Variants in PDE9A observed in about 807,000 individuals in gnomAD.
PDE9A encodes the protein high affinity cGMP-specific 3',5'-cyclic phosphodiesterase 9A.
PDE9A carries 60 observed loss-of-function variants against 87.4 expected under a neutral mutation model. The observed-to-expected ratio is 0.69, with a 90% CI of 0.56 to 0.85. The LOEUF (loss-of-function observed/expected upper bound fraction) is 0.85, where lower values mean the gene tolerates loss of function less well. Among genes scored for constraint, PDE9A ranks in the 40% least tolerant of loss-of-function variants. The pLI, the probability that PDE9A is intolerant of heterozygous loss-of-function variation, is 0.00. For missense variants in PDE9A, 665 were observed against 779.0 expected (o/e 0.85, Z 1.74); for synonymous variants, 272 against 279.4 (o/e 0.97, Z 0.27).
At chr21:42,728,267 G>C (rs935946147) in intron 4 of PDE9A, among the ~76,000 whole-genome samples, 24 of 152,174 alleles carry the variant, frequency 1.6e-4, no homozygotes, top group African/African-American at 5.8e-4. Context: ...TGGCATCCTT[G>C]TGGGGAGTCC....
At position 42,739,486 on chromosome 21, in the gene PDE9A, A is replaced by C. The variant is rs1302215560; in HGVS notation, c.569-4290A>C. On this transcript the variant is annotated intron_variant, in intron 7 of 19. Transcript: ENST00000291539. The surrounding 1 kb of genome is among the most constrained non-coding windows in gnomAD (Gnocchi z 4.1). Reference sequence around the variant, plus strand: ...CATGCTCACCTCTGCCTCCTCCTGCAGACCTCCCCGCCAGCCCCGTCATTT... The same window carrying C: ...CATGCTCACCTCTGCCTCCTCCTGCCGACCTCCCCGCCAGCCCCGTCATTT... Among the ~76,000 whole-genome samples, 1 of 152,220 alleles carries C rather than the reference A, an allele frequency of 6.6e-6. No homozygotes were observed. The highest frequency in any genetic ancestry group is 1.5e-5 in the Non-Finnish European group (1 of 68,028).
chr21:42,688,197 C>T (rs1457994511), intron 3 of PDE9A, among the ~76,000 whole-genome samples: 2 of 152,174 alleles, frequency 1.3e-5, no homozygotes, highest in African/African-American at 4.8e-5. Flanking sequence ...TCCAAGATAA[C>T]AATTGCAGCC....
chr21:42,686,467 G>T (rs2059480983), intron 2 of PDE9A, among the ~76,000 whole-genome samples: 1 of 152,258 alleles, frequency 6.6e-6, no homozygotes, highest in Non-Finnish European at 1.5e-5. Flanking sequence ...TGATGGCTGT[G>T]TCCACAAGGA....
At chr21:42,758,353 A>G (rs2055296902) in intron 10 of PDE9A, 1 of 152,280 alleles carries the variant, frequency 6.6e-6, no homozygotes, top group South Asian at 2.1e-4. Context: ...ACAGGGCTCC[A>G]TGAAAAAGGG....
chr21:42,748,504 C>T (rs1382371951), intron 8 of PDE9A, among the ~76,000 whole-genome samples: 1 of 152,190 alleles, frequency 6.6e-6, no homozygotes, highest in East Asian at 1.9e-4. Context: ...ACACCGAAGC[C>T]TCTTTTTCCA....
chr21:42,682,719 C>T (rs942666377), intron 1 of PDE9A, among the ~76,000 whole-genome samples: 1 of 152,350 alleles, frequency 6.6e-6, no homozygotes, highest in South Asian at 2.1e-4. Flanking sequence ...CCTGAGAGCC[C>T]CTACCCTCCC....
At chr21:42,764,926 G>A (rs1569271200) in intron 14 of PDE9A, among the ~76,000 whole-genome samples, 3 of 152,078 alleles carry the variant, frequency 2.0e-5, no homozygotes, top group Non-Finnish European at 4.4e-5. Context: ...TCTTGGAAGA[G>A]GAAAACATCA....
At chr21:42,680,922 A>G (rs1419272772) in intron 1 of PDE9A, among the ~76,000 whole-genome samples, 1 of 152,228 alleles carries the variant, frequency 6.6e-6, no homozygotes, top group Non-Finnish European at 1.5e-5. Flanking sequence ...GCTGCCAGAC[A>G]AAATGTGGCG....
intron 1 of PDE9A, among the ~76,000 whole-genome samples, chr21:42,666,949 G>A (rs1204267484): frequency 3.3e-5 from 5 of 152,154 alleles, no homozygotes; most frequent in African/African-American, 9.7e-5. Flanking sequence ...GTTGAAAGGC[G>A]GCACCAAGGT....
chr21:42,738,988 G>A (rs1328258951), intron 7 of PDE9A, among the ~76,000 whole-genome samples: 1 of 152,208 alleles, frequency 6.6e-6, no homozygotes, highest in Non-Finnish European at 1.5e-5. Flanking sequence ...ACTGCGCCCG[G>A]CCTACAGTCC....
intron 14 of PDE9A, among the ~76,000 whole-genome samples, chr21:42,763,116 C>T (rs1307240048): frequency 6.6e-6 from 1 of 152,206 alleles, no homozygotes; most frequent in Non-Finnish European, 1.5e-5. Context: ...ACCTCCAGCT[C>T]ACCGAAATAA....
intron 1 of PDE9A, among the ~76,000 whole-genome samples, chr21:42,661,275 C>T (rs1248174268): frequency 1.3e-5 from 2 of 151,912 alleles, no homozygotes; most frequent in Non-Finnish European, 1.5e-5. Flanking sequence ...GTGATCCGCC[C>T]GCCTCAGCCT....
intron 3 of PDE9A, chr21:42,689,761 C>A (rs1442773527): frequency 1.0e-6 from 1 of 985,328 alleles, no homozygotes; most frequent in Admixed American, 6.1e-5. Context: ...TGTCTGGAAG[C>A]TCTCTGCTGA....
intron 1 of PDE9A, among the ~76,000 whole-genome samples, chr21:42,670,067 A>G (rs1569114940): frequency 1.1e-4 from 16 of 152,004 alleles, no homozygotes; most frequent in Non-Finnish European, 1.5e-5. Context: ...ACACATTCAC[A>G]CACTCACATA....
chr21:42,692,929 C>T lies in PDE9A; in HGVS notation c.218+4935C>T, dbSNP rs1442253631. Among the ~76,000 whole-genome samples, 2 of 152,182 alleles carry T rather than the reference C, an allele frequency of 1.3e-5. No homozygotes were observed. Among genetic ancestry groups the T allele is most frequent in the Admixed American group, 1.3e-4 (2 of 15,284 alleles). On this transcript the variant is annotated intron_variant, in intron 3 of 19. Transcript: ENST00000291539. This position sits in a 1 kb window ranked among gnomAD's most constrained non-coding sequence, Gnocchi z 4.3. ...TCGGGAATGCTCACCGTTTCTCTCC[C>T]GCCCCCCGGCCGCATGCTGCAGCCA...
intron 1 of PDE9A, among the ~76,000 whole-genome samples, chr21:42,658,671 G>A (rs2145794726): frequency 6.6e-6 from 1 of 152,332 alleles, no homozygotes; most frequent in South Asian, 2.1e-4. Flanking sequence ...AGGTTTCTCG[G>A]CTCCAGCACC....
In PDE9A at chr21:42,716,929, T is replaced by G. The variant is rs147414092; in HGVS notation, c.263-14841T>G. On this transcript the variant is annotated intron_variant, in intron 4 of 19. Coordinates refer to ENST00000291539, the MANE Select transcript of PDE9A (RefSeq NM_002606.3). ...CCACGCCCGGCTAATTTTTTGTATT[T>G]TTAGTAGAGACGGGGTTTCATCATC... 4.1e-3 allele frequency among the ~76,000 whole-genome samples: 612 copies of G among 151,040 alleles called. 8 individuals carry two copies. The highest frequency in any genetic ancestry group is 0.014 in the African/African-American group (570 of 41,342).
chr21:42,691,948 C>T (rs947280338), intron 3 of PDE9A, among the ~76,000 whole-genome samples: 3 of 152,022 alleles, frequency 2.0e-5, no homozygotes, highest in Non-Finnish European at 4.4e-5. Context: ...CCCAAAGTCA[C>T]CCAGCCCCTT....
intron 1 of PDE9A, among the ~76,000 whole-genome samples, chr21:42,654,340 A>T (rs1247629282): frequency 6.6e-6 from 1 of 151,154 alleles, no homozygotes; most frequent in Admixed American, 6.6e-5. Flanking sequence ...GCAGAGGGGG[A>T]CTCGGGCCGC....
Sources: allele counts gnomAD v4.1 joint callset (sites outside exome capture counted in the v4.1 genomes callset), GRCh38; gene constraint gnomAD v4.1.1; non-coding constraint Gnocchi (gnomAD v3.1); transcripts MANE v1.5; gene names NCBI Gene and HGNC (gene_info 2026-07-23, HGNC 2026-07-21).